The following RBPJ variants were observed in gnomAD, a reference collection of about 807,000 sequenced individuals.
RBPJ encodes recombining binding protein suppressor of hairless.
A neutral mutation model predicts 67.8 loss-of-function variants in RBPJ; 9 were observed. The observed-to-expected ratio is 0.13, with a 90% confidence interval of 0.08 to 0.23. RBPJ has a LOEUF of 0.23. Ranked by LOEUF, RBPJ falls within the 10% of genes least tolerant of loss-of-function variation. The pLI is 1.00. For synonymous variants in RBPJ, 198 were observed against 203.3 expected, an observed-to-expected ratio of 0.97 and a Z score of 0.22; for missense variants, 305 against 595.6, an observed-to-expected ratio of 0.51 and a Z score of 5.08.
At chr4:26,160,465 C>CT (rs2109105903), upstream of RBPJ, among the ~76,000 whole-genome samples, 1 of 152,230 alleles carries the variant, frequency 6.6e-6, no homozygotes, top group African/African-American at 2.4e-5. Context: ...CCACAAAACT[C>CT]TTTTTTTATG....
the RBPJ span, among the ~76,000 whole-genome samples, chr4:26,118,461 G>T: frequency 6.6e-6 from 1 of 152,154 alleles, no homozygotes; most frequent in Non-Finnish European, 1.5e-5. Context: ...TACAAAACAG[G>T]TGCTACCTCC....
intron 2 of RBPJ, among the ~76,000 whole-genome samples, chr4:26,387,580 A>G (rs1731047025): frequency 6.6e-6 from 1 of 152,172 alleles, no homozygotes; most frequent in African/African-American, 2.4e-5. Context: ...TTCCTGAGAA[A>G]CTGGGAGTCC....
intron 5 of RBPJ, among the ~76,000 whole-genome samples, chr4:26,421,895 A>G (rs867140154): frequency 2.6e-4 from 40 of 151,986 alleles, no homozygotes; most frequent in African/African-American, 9.4e-4. Context: ...ATGTCTTTTT[A>G]TAGTTTTTTT....
At chr4:26,330,892 A>G (rs1197718652) in intron 1 of RBPJ, among the ~76,000 whole-genome samples, 1 of 152,240 alleles carries the variant, frequency 6.6e-6, no homozygotes, top group African/African-American at 2.4e-5. Flanking sequence ...GGTAACTTAC[A>G]TAACATAGAA....
chr4:26,108,376 C>A, the RBPJ span, among the ~76,000 whole-genome samples: 1 of 152,180 alleles, frequency 6.6e-6, no homozygotes, highest in Non-Finnish European at 1.5e-5. Flanking sequence ...TGGGCAGTTC[C>A]CTTTGCCTTT....
the RBPJ span, among the ~76,000 whole-genome samples, chr4:26,135,167 C>T: frequency 2.0e-5 from 3 of 152,290 alleles, no homozygotes; most frequent in South Asian, 2.1e-4. Flanking sequence ...ATGTGCCCCA[C>T]AGGGAGACTT....
rs559620366 is a variant in RBPJ at position 26,425,327 on chromosome 4, T to C, written c.747+584T>C. ...TCGGCCACGCATGGTGACTCACACC[T>C]GCAATCCCAGCACTTCAACAGGTGA... On this transcript the variant is annotated intron_variant, in intron 7 of 10. Coordinates refer to ENST00000355476, the MANE Select transcript of RBPJ (RefSeq NM_015874.6). Among the ~76,000 whole-genome samples the C allele has an allele frequency of 2.6e-5, 4 of 152,276 alleles. No homozygotes were observed. The South Asian group carries it at 8.3e-4, about 32-fold the overall frequency.
intron 1 of RBPJ, among the ~76,000 whole-genome samples, chr4:26,289,363 C>T (rs375571670): frequency 1.7e-5 from 2 of 120,362 alleles, no homozygotes; most frequent in African/African-American, 3.4e-5. Context: ...CCAGCCTCAG[C>T]GACAGAGTGA....
intron 1 of RBPJ, among the ~76,000 whole-genome samples, chr4:26,262,125 T>C (rs190197917): frequency 1.7e-3 from 254 of 152,138 alleles, no homozygotes; most frequent in African/African-American, 5.9e-3. Context: ...TTTTATTTTT[T>C]ATGGAGATGG....
At chr4:26,393,138 C>T (rs151028513) in intron 2 of RBPJ, among the ~76,000 whole-genome samples, 103 of 152,218 alleles carry the variant, frequency 6.8e-4, no homozygotes, top group African/African-American at 2.3e-3. Context: ...TGAGCCACCA[C>T]GCCTGGCTTC....
chr4:26,430,334 A>G lies in RBPJ; in HGVS notation c.1045-85A>G. ...AATTGCCCTTTTTTAAAAAAAACAA[A>G]TGAAAGTTGAATGAGAATCTAATTT... is the stretch of plus-strand genomic sequence containing the variant. On this transcript the variant is annotated intron_variant, in intron 9 of 10. Coordinates refer to ENST00000355476, the MANE Select transcript of RBPJ (RefSeq NM_015874.6). This position sits in a 1 kb window ranked among gnomAD's most constrained non-coding sequence, Gnocchi z 4.1. 1.7e-6 allele frequency: 2 copies of G among 1,184,946 alleles called. No homozygotes were observed. The highest frequency in any genetic ancestry group is 2.6e-5 in the South Asian group (2 of 76,546). The allele number at this position is 1,184,946 out of a possible 1,614,324, so 73.4% of individuals were successfully genotyped here.
intron 1 of RBPJ, among the ~76,000 whole-genome samples, chr4:26,260,704 T>C (rs1720497419): frequency 6.6e-6 from 1 of 152,186 alleles, no homozygotes; most frequent in African/African-American, 2.4e-5. Context: ...GTCATTAAAA[T>C]GCCACTCTCT....
At chr4:26,359,744 C>G (rs978464687) in intron 1 of RBPJ, 4 of 152,280 alleles carry the variant, frequency 2.6e-5, no homozygotes, top group African/African-American at 9.6e-5. Flanking sequence ...GCGGTTGCCG[C>G]GAAGCGAGCT....
intron 1 of RBPJ, among the ~76,000 whole-genome samples, chr4:26,207,418 C>T (rs1273537266): frequency 6.6e-6 from 1 of 152,134 alleles, no homozygotes; most frequent in African/African-American, 2.4e-5. Context: ...AAGCACCTAG[C>T]CAAGTGGATT....
intron 1 of RBPJ, among the ~76,000 whole-genome samples, chr4:26,253,381 G>C (rs1240703577): frequency 7.4e-6 from 1 of 135,456 alleles, no homozygotes. Context: ...GCGCAATCTC[G>C]GCTCACTGCA....
At chr4:26,316,520 CATATATATATTCAT>C (rs1722632774), upstream of RBPJ, among the ~76,000 whole-genome samples, 1 of 115,148 alleles carries the variant, frequency 8.7e-6, no homozygotes, top group Non-Finnish European at 1.8e-5. Context: ...CATATATATT[CATATATATATTCAT>C]ATATATATTC....
At chr4:26,357,004 T>G (rs1046059491) in intron 1 of RBPJ, among the ~76,000 whole-genome samples, 5 of 152,024 alleles carry the variant, frequency 3.3e-5, no homozygotes, top group African/African-American at 1.2e-4. Flanking sequence ...CTGGTGGGGA[T>G]GGTGAGGAAA....
At chr4:26,384,737 T>C (rs985803309) in intron 1 of RBPJ, 1 of 151,962 alleles carries the variant, frequency 6.6e-6, no homozygotes. Flanking sequence ...CTAGCTATTA[T>C]TGAGTATTTA....
the RBPJ span, among the ~76,000 whole-genome samples, chr4:26,153,971 G>A: frequency 1.3e-5 from 2 of 152,108 alleles, no homozygotes; most frequent in African/African-American, 4.8e-5. Context: ...TCAGATTTTG[G>A]AACATTTGAG....
Sources: allele counts gnomAD v4.1 joint callset (sites outside exome capture counted in the v4.1 genomes callset), GRCh38; gene constraint gnomAD v4.1.1; non-coding constraint Gnocchi (gnomAD v3.1); transcripts MANE v1.5; gene names NCBI Gene and HGNC (gene_info 2026-07-23, HGNC 2026-07-21).